Variants in SCFD1 observed in about 807,000 individuals in gnomAD.
SCFD1 encodes the protein sec1 family domain containing 1.
A neutral mutation model predicts 103.2 loss-of-function variants in SCFD1; 37 were observed. The ratio of observed to expected loss-of-function variants is 0.36; its 90% CI spans 0.28 to 0.47. The LOEUF is 0.47. SCFD1 is among the 20% of genes least tolerant of loss of function. SCFD1 has a pLI of 1.00. For missense variants in SCFD1, 639 were observed against 761.2 expected (o/e 0.84, Z 1.89); for synonymous variants, 264 against 245.0 (o/e 1.08, Z -0.73).
chr14:30,733,311 A>G lies in SCFD1; in HGVS notation c.1837-1479A>G, dbSNP rs182501959. Among the ~76,000 whole-genome samples the G allele has an allele frequency of 5.7e-4, 87 of 152,240 alleles. No homozygotes were observed. In the South Asian group the frequency reaches 9.7e-3, roughly 17 times the overall value. On this transcript the variant is annotated intron_variant, in intron 23 of 24. Transcript: ENST00000458591. ...GCATGAGCCACTGCGCCCAGCCCAT[A>G]AAGTTCAATTTTTAACTGACAGAGT...
intron 14 of SCFD1, 94 bp downstream of exon 14, chr14:30,675,159 TCCCC>T (rs1480655496): frequency 5.0e-5 from 28 of 558,224 alleles, no homozygotes; most frequent in Non-Finnish European, 7.7e-5. Flanking sequence ...TCTTATTGAG[TCCCC>T]ACTGTAACAT....
rs558696965 is a variant in SCFD1 at position 30,733,520 on chromosome 14, C to T, written c.1837-1270C>T. Among the ~76,000 whole-genome samples the T allele has an allele frequency of 2.6e-5, 4 of 152,248 alleles. No homozygotes were observed. The East Asian group carries it at 5.8e-4, about 22-fold the overall frequency. On this transcript the variant is annotated intron_variant, in intron 23 of 24. Coordinates refer to ENST00000458591, the MANE Select transcript of SCFD1 (RefSeq NM_016106.4). ...GGTCCAGGGTGGGGACTGTACAAGT[C>T]AGGATTAATCTCAACTGGGCTACTG... is the stretch of plus-strand genomic sequence containing the variant.
chr14:30,704,738 T>C (rs1299577334), intron 17 of SCFD1, among the ~76,000 whole-genome samples: 1 of 152,176 alleles, frequency 6.6e-6, no homozygotes, highest in African/African-American at 2.4e-5. Context: ...ACTCTTTTTT[T>C]CCCAGTTACA....
chr14:30,628,597 C>T (rs370363030), intron 2 of SCFD1, among the ~76,000 whole-genome samples: 2 of 152,072 alleles, frequency 1.3e-5, no homozygotes, highest in Non-Finnish European at 2.9e-5. Flanking sequence ...TAAGCTTGCT[C>T]GGAGTTAGTC....
chr14:30,728,043 A>T (rs529078501), intron 23 of SCFD1, among the ~76,000 whole-genome samples: 20 of 152,322 alleles, frequency 1.3e-4, no homozygotes, highest in African/African-American at 4.6e-4. Flanking sequence ...AATGTAATCC[A>T]TATCCATGTT....
Position 30,622,530 on chromosome 14 carries a change from C to T in SCFD1, c.61+131C>T, listed in dbSNP as rs1023744536. On this transcript the variant is annotated intron_variant, in intron 1 of 24. Coordinates refer to ENST00000458591, the MANE Select transcript of SCFD1 (RefSeq NM_016106.4). Reference sequence around the variant, plus strand: ...TCCCTAGAACATCAAGAGCCCCTCCCCTTTGAGTTTTTGGGGAGAAGTTGC... The same window carrying T: ...TCCCTAGAACATCAAGAGCCCCTCCTCTTTGAGTTTTTGGGGAGAAGTTGC... 7.1e-6 allele frequency: 10 copies of T among 1,403,864 alleles called. No individual in the cohort carries two copies. The East Asian group carries it at 2.3e-4, about 33-fold the overall frequency. 87.0% of individuals were successfully genotyped at this position (1,403,864 alleles called of 1,614,324 possible). A position where few individuals can be genotyped will look rare whatever the true frequency, so the allele number is the denominator to read the frequency against.
intron 10 of SCFD1, among the ~76,000 whole-genome samples, chr14:30,665,300 G>T (rs1172440048): frequency 1.1e-4 from 16 of 152,144 alleles, no homozygotes; most frequent in African/African-American, 2.9e-4. Flanking sequence ...CTAAGCTTCA[G>T]AAGTGAAGGA....
chr14:30,653,414 G>A, intron 9 of SCFD1, 75 bp from the exon 10 acceptor site: 1 of 901,646 alleles, frequency 1.1e-6, no homozygotes, highest in Non-Finnish European at 1.8e-6. Flanking sequence ...GGCATATACT[G>A]GAAAGTAGTA....
chr14:30,708,973 T>C (rs1891673903), intron 19 of SCFD1, among the ~76,000 whole-genome samples: 1 of 152,216 alleles, frequency 6.6e-6, no homozygotes, highest in South Asian at 2.1e-4. Context: ...TTTTCAAATA[T>C]GCATTATCAA....
chr14:30,680,292 C>A (rs566124198), intron 14 of SCFD1, among the ~76,000 whole-genome samples: 1 of 152,266 alleles, frequency 6.6e-6, no homozygotes, highest in Non-Finnish European at 1.5e-5. Context: ...AGCCAGGGTT[C>A]CCCAGAGAAC....
intron 24 of SCFD1, 90 bp from the exon 25 acceptor site, chr14:30,735,496 T>C: frequency 1.2e-6 from 1 of 863,466 alleles, no homozygotes. Context: ...ATAGGAAGTG[T>C]AATTTATTAA....
intron 14 of SCFD1, among the ~76,000 whole-genome samples, chr14:30,679,404 A>G (rs947004075): frequency 3.3e-5 from 5 of 152,202 alleles, no homozygotes; most frequent in Non-Finnish European, 7.3e-5. Context: ...AACCTTAACC[A>G]TAAAAGATTG....
At chr14:30,639,142 A>G (rs958161967) in intron 5 of SCFD1, among the ~76,000 whole-genome samples, 17 of 152,136 alleles carry the variant, frequency 1.1e-4, no homozygotes, top group South Asian at 2.1e-4. Context: ...GCTTGCTGCA[A>G]TCTTCAGCTC....
At chr14:30,629,632 T>A (rs1462297057) in intron 2 of SCFD1, among the ~76,000 whole-genome samples, 1 of 150,882 alleles carries the variant, frequency 6.6e-6, no homozygotes, top group Non-Finnish European at 1.5e-5. Context: ...GGCTGGAATG[T>A]AGTGGCGCAA....
Position 30,649,602 on chromosome 14 carries a change from C to T in SCFD1, c.669+19C>T. 6.5e-7 allele frequency: 1 copy of T among 1,548,904 alleles called. No homozygotes were observed. The highest frequency in any genetic ancestry group is 1.2e-5 in the South Asian group (1 of 82,190). The stretch of plus-strand genomic sequence containing the variant: ...AGCAGTGGTAAGTTCATGCGGATAT[C>T]ACGTGGAGATAAATAACATTGTGTG... On this transcript the variant is annotated intron_variant, in intron 8 of 24. Coordinates refer to ENST00000458591, the MANE Select transcript of SCFD1 (RefSeq NM_016106.4).
chr14:30,681,846 T>C lies in SCFD1; in HGVS notation c.1242+6781T>C, dbSNP rs1889508958. On this transcript the variant is annotated intron_variant, in intron 14 of 24. Transcript: ENST00000458591. ...ATCAGTTACCCTTATAGATTTCATG[T>C]GACTGTTTCGTATAGCAACTTTCAT... Among the ~76,000 whole-genome samples the C allele has an allele frequency of 2.0e-5, 3 of 152,292 alleles. No individual in the cohort carries two copies. In the South Asian group the frequency reaches 6.2e-4, roughly 32 times the overall value.
At chr14:30,629,717 A>C (rs1883902057) in intron 2 of SCFD1, among the ~76,000 whole-genome samples, 1 of 151,892 alleles carries the variant, frequency 6.6e-6, no homozygotes, top group Non-Finnish European at 1.5e-5. Context: ...AGCTGGGATT[A>C]CAGGCACGTG....
At chr14:30,670,634 C>T (rs1289836990) in intron 11 of SCFD1, among the ~76,000 whole-genome samples, 2 of 151,930 alleles carry the variant, frequency 1.3e-5, no homozygotes, top group East Asian at 3.9e-4. Flanking sequence ...ATGAGATCAT[C>T]CTATACAGAT....
At chr14:30,656,011 T>G (rs527390631) in intron 10 of SCFD1, among the ~76,000 whole-genome samples, 32 of 152,098 alleles carry the variant, frequency 2.1e-4, no homozygotes, top group African/African-American at 7.0e-4. Context: ...CTCAGGAGGC[T>G]TAGGTGGGAG....
Sources: gnomAD v4.1 joint callset for allele counts (sites outside exome capture counted in the v4.1 genomes callset) on GRCh38, gnomAD v4.1.1 for gene constraint, MANE v1.5 for transcripts, NCBI Gene and HGNC (gene_info 2026-07-23, HGNC 2026-07-21) for gene names.